Variants in INTU observed in about 807,000 individuals in gnomAD.
INTU encodes inturned planar cell polarity protein.
INTU carries 68 observed loss-of-function variants against 100.5 expected under a neutral mutation model. The ratio of observed to expected loss-of-function variants is 0.68; its 90% CI spans 0.56 to 0.83. The LOEUF (loss-of-function observed/expected upper bound fraction) is 0.83. Ranked by LOEUF, INTU falls within the 40% of genes least tolerant of loss-of-function variation. The pLI is 0.00. For synonymous variants in INTU, 357 were observed against 395.7 expected (o/e 0.90, Z 1.16); for missense variants, 1,071 against 1,114.7 (o/e 0.96, Z 0.56).
chr4:127,713,745 T>G (rs940561479), intron 14 of INTU, among the ~76,000 whole-genome samples, 191 bp from the exon 15 acceptor site: 16 of 152,208 alleles, frequency 1.1e-4, no homozygotes, highest in Non-Finnish European at 2.2e-4. Flanking sequence ...AAGGGACACT[T>G]TATCCATGAA....
chr4:127,655,478 T>G (rs1301020844), intron 2 of INTU, among the ~76,000 whole-genome samples: 6 of 150,908 alleles, frequency 4.0e-5, no homozygotes, highest in Admixed American at 6.6e-5. Context: ...TGGAATACCC[T>G]GCCGTGTGAG....
chr4:127,690,098 T>G (rs572920220), intron 8 of INTU, among the ~76,000 whole-genome samples: 1 of 152,214 alleles, frequency 6.6e-6, no homozygotes, highest in South Asian at 2.1e-4. Context: ...GTTTAGAATT[T>G]AGATACATTA....
At chr4:127,707,115 T>A in intron 12 of INTU, 146 bp downstream of exon 12, 1 of 1,018,640 alleles carries the variant, frequency 9.8e-7, no homozygotes, top group South Asian at 1.7e-5. Context: ...AACCAATGAT[T>A]TTGAACCAAA....
At chr4:127,685,119 A>G (rs1047923365) in intron 7 of INTU, among the ~76,000 whole-genome samples, 13 of 152,106 alleles carry the variant, frequency 8.5e-5, no homozygotes, top group Admixed American at 2.6e-4. Flanking sequence ...TATATTTTCT[A>G]TACAATAAAA....
intron 6 of INTU, among the ~76,000 whole-genome samples, chr4:127,674,666 T>C (rs1172992822): frequency 1.3e-5 from 2 of 152,200 alleles, no homozygotes; most frequent in African/African-American, 2.4e-5. Context: ...TGGTACATCT[T>C]ATATTATCAT....
intron 8 of INTU, among the ~76,000 whole-genome samples, chr4:127,689,618 T>C (rs1730010735): frequency 6.6e-6 from 1 of 151,414 alleles, no homozygotes; most frequent in Non-Finnish European, 1.5e-5. Context: ...TGAGCTATGA[T>C]TGCACCACTG....
intron 12 of INTU, among the ~76,000 whole-genome samples, chr4:127,707,195 A>G (rs563796805): frequency 2.7e-4 from 41 of 152,230 alleles, no homozygotes; most frequent in African/African-American, 9.4e-4. Context: ...AGCCTGGCCA[A>G]TGTGGCAAAA....
intron 8 of INTU, among the ~76,000 whole-genome samples, chr4:127,693,782 A>G (rs1369171252): frequency 6.6e-6 from 1 of 152,078 alleles, no homozygotes; most frequent in Non-Finnish European, 1.5e-5. Context: ...TTAATCATAT[A>G]AGGATGCCGG....
chr4:127,665,758 A>G, intron 4 of INTU, among the ~76,000 whole-genome samples: 1 of 152,162 alleles, frequency 6.6e-6, no homozygotes, highest in East Asian at 1.9e-4. Context: ...GAAGGCAGGC[A>G]GTATCACATG....
intron 3 of INTU, among the ~76,000 whole-genome samples, chr4:127,662,600 G>C (rs146871177): frequency 1.1e-4 from 17 of 152,196 alleles, no homozygotes; most frequent in African/African-American, 4.1e-4. Flanking sequence ...TAAGTACTTT[G>C]AAATGTATCT....
rs1182599247 is a variant in INTU, at chr4:127,669,111, C to T, written c.1048C>T (p.Leu350Phe). ...LKSVRGIFLT[L>F]CDMLENVTGT... ...AAGTGTGAGAGGGATTTTTCTCACA[C>T]TCTGTGACATGCTGGAAAACGTAAC... Residue 350 changes from leucine (L) to phenylalanine (F), a missense_variant, in exon 5 of 16, where the codon CTC becomes TTC. By Grantham distance (22) the Leu-to-Phe change is conservative. Coordinates refer to ENST00000335251, the MANE Select transcript of INTU (RefSeq NM_015693.4). 1.9e-6 allele frequency: 3 copies of T among 1,547,792 alleles called. No individual in the cohort carries two copies. Among genetic ancestry groups the T allele is most frequent in the Non-Finnish European group, 2.6e-6 (3 of 1,138,622 alleles).
rs371711476 is a variant in INTU, at chr4:127,685,773, A to C, written c.1259+1287A>C. 11 of 216,738 alleles carry C rather than the reference A, an allele frequency of 5.1e-5. No individual in the cohort carries two copies. In the East Asian group the frequency reaches 1.1e-3, roughly 23 times the overall value. The allele number at this position is 216,738 out of a possible 1,614,324, so 13.4% of individuals were successfully genotyped here. On this transcript the variant is annotated intron_variant, in intron 7 of 15. Coordinates refer to ENST00000335251, the MANE Select transcript of INTU (RefSeq NM_015693.4). ...GATTATCAAAGATTAAATTTTTGCA[A>C]TGATTTTCATACATATAAATAGTCC...
intron 6 of INTU, among the ~76,000 whole-genome samples, chr4:127,678,562 G>A (rs932178569): frequency 6.6e-6 from 1 of 152,136 alleles, no homozygotes; most frequent in African/African-American, 2.4e-5. Context: ...GAGAGATTTT[G>A]TCACCACCAG....
intron 8 of INTU, among the ~76,000 whole-genome samples, chr4:127,691,302 A>C (rs779002024): frequency 6.6e-6 from 1 of 152,186 alleles, no homozygotes; most frequent in Non-Finnish European, 1.5e-5. Flanking sequence ...TTCTTGGTCA[A>C]ATAGCAAGAG....
chr4:127,706,382 G>T, intron 11 of INTU, 105 bp from the exon 12 acceptor site: 1 of 898,804 alleles, frequency 1.1e-6, no homozygotes, highest in Non-Finnish European at 1.7e-6. Context: ...ACATGATTAT[G>T]CCATAGGCCT....
At chr4:127,711,920 G>A (rs957310182) in intron 14 of INTU, among the ~76,000 whole-genome samples, 3 of 152,154 alleles carry the variant, frequency 2.0e-5, no homozygotes, top group Admixed American at 6.6e-5. Context: ...ATTGAATGTT[G>A]TTATCTGTTG....
chr4:127,675,859 C>T, intron 6 of INTU: 1 of 273,354 alleles, frequency 3.7e-6, no homozygotes, highest in Non-Finnish European at 7.8e-6. Context: ...AAGTGATACA[C>T]TGCCATTTCC....
intron 1 of INTU, among the ~76,000 whole-genome samples, chr4:127,634,470 A>G (rs1442187551): frequency 2.0e-5 from 3 of 152,208 alleles, no homozygotes; most frequent in Non-Finnish European, 4.4e-5. Context: ...CTGATACCTA[A>G]TGGGCCACCA....
chr4:127,645,663 C>A (rs1407516828), intron 2 of INTU, among the ~76,000 whole-genome samples: 1 of 151,974 alleles, frequency 6.6e-6, no homozygotes, highest in African/African-American at 2.4e-5. Flanking sequence ...CGGGTTCAAG[C>A]GATTCTTCTG....
Sources: gnomAD v4.1 joint callset for allele counts (sites outside exome capture counted in the v4.1 genomes callset) on GRCh38, gnomAD v4.1.1 for gene constraint, MANE v1.5 for transcripts, NCBI Gene and HGNC (gene_info 2026-07-23, HGNC 2026-07-21) for gene names.